DCAF1: variants seen among roughly 807,000 people sequenced by gnomAD.
DCAF1 encodes DDB1 and CUL4 associated factor 1.
DCAF1 carries 15 observed loss-of-function variants against 128.0 expected under a neutral mutation model. That is an observed-to-expected ratio of 0.12 (90% confidence interval 0.08 to 0.18). The LOEUF (loss-of-function observed/expected upper bound fraction) is 0.18. Ranked by LOEUF, DCAF1 falls within the 10% of genes least tolerant of loss-of-function variation. DCAF1 has a pLI of 1.00. For missense variants in DCAF1, 988 were observed against 1,649.5 expected, an observed-to-expected ratio of 0.60 and a Z score of 6.95; for synonymous variants, 610 against 603.0, an observed-to-expected ratio of 1.01 and a Z score of -0.17.
At chr3:51,500,382 G>A (rs560099122), upstream of DCAF1, among the ~76,000 whole-genome samples, 9 of 152,226 alleles carry the variant, frequency 5.9e-5, no homozygotes, top group South Asian at 1.9e-3. Context: ...TACTTTTTCA[G>A]TGTCTTGTTC....
At chr3:51,433,662 C>T (rs1361208566) in intron 9 of DCAF1, among the ~76,000 whole-genome samples, 1 of 151,450 alleles carries the variant, frequency 6.6e-6, no homozygotes, top group East Asian at 2.0e-4. Flanking sequence ...GGGGTTTCAC[C>T]ATGTTGGCCA....
At chr3:51,423,057 G>A (rs188943213) in intron 13 of DCAF1, among the ~76,000 whole-genome samples, 11 of 151,322 alleles carry the variant, frequency 7.3e-5, no homozygotes, top group Admixed American at 2.0e-4. Flanking sequence ...AACAGAGTGA[G>A]AGCCTGTCTC....
rs984828916 is a variant in DCAF1, at chr3:51,470,566, C to T, written c.187+363G>A. Reference sequence around the variant, plus strand: ...GGGCAACAGAGTGAGTACCCATCTCCAAAAAAGAAAAAGTCTGAAAGGAAG... The same window carrying T: ...GGGCAACAGAGTGAGTACCCATCTCTAAAAAAGAAAAAGTCTGAAAGGAAG... On this transcript the variant is annotated intron_variant, in intron 4 of 24. Transcript: ENST00000684031. Among the ~76,000 whole-genome samples, 2 of 151,716 alleles carry T rather than the reference C, an allele frequency of 1.3e-5. 1 individual carries two copies. Among genetic ancestry groups the T allele is most frequent in the South Asian group, 4.2e-4 (2 of 4,808 alleles).
chr3:51,417,976 T>C, intron 17 of DCAF1, 140 bp downstream of exon 17: 3 of 1,053,940 alleles, frequency 2.8e-6, no homozygotes, highest in Non-Finnish European at 4.1e-6. Context: ...TAAACATGAG[T>C]CTTAGATGAG....
the DCAF1 span, among the ~76,000 whole-genome samples, chr3:51,505,585 G>T: frequency 6.6e-6 from 1 of 152,202 alleles, no homozygotes; most frequent in Non-Finnish European, 1.5e-5. Context: ...GTCTCATGAT[G>T]TTCCTGAGGG....
chr3:51,403,533 T>G (rs1436806349), intron 23 of DCAF1, 138 bp from the exon 24 acceptor site: 5 of 1,420,616 alleles, frequency 3.5e-6, no homozygotes, highest in African/African-American at 1.4e-5. Context: ...ACAGACTTCA[T>G]GAGCCAGCCA....
Position 51,413,404 on chromosome 3 carries a change from GAGGAAACACTATT to G in DCAF1, c.3932-31_3932-19del. 6.2e-7 allele frequency: 1 copy of G among 1,605,704 alleles called. No individual in the cohort carries two copies. The highest frequency in any genetic ancestry group is 1.1e-5 in the South Asian group (1 of 89,744). The stretch of plus-strand genomic sequence containing the variant: ...CAACATAGCTTGAGGGGGAGTGGGG[GAGGAAACACTATT>G]AGGAATCACAAACATCCCCTCTTCA... On this transcript the variant is annotated intron_variant, in intron 20 of 24. Transcript: ENST00000684031.
intron 6 of DCAF1, among the ~76,000 whole-genome samples, chr3:51,461,466 A>C (rs2108030525): frequency 6.6e-6 from 1 of 152,276 alleles, no homozygotes; most frequent in East Asian, 1.9e-4. Context: ...TGTTGGTGGG[A>C]CTGTAAACTA....
intron 11 of DCAF1, among the ~76,000 whole-genome samples, chr3:51,429,739 A>T (rs886786031): frequency 7.9e-5 from 12 of 152,200 alleles, no homozygotes; most frequent in Non-Finnish European, 8.8e-5. Flanking sequence ...TAATCATATT[A>T]AAAAATGTAC....
rs1553632329 is a variant in DCAF1, at chr3:51,420,917, T to C, written c.2053A>G (p.Ile685Val). ...AEIQKSALQI[I>V]INCVCGPDNR... ...TCTGGGCCACACACACAATTGATGA[T>C]AATCTGAAGTGCTGACTTCTGAATT... The change falls in exon 15 of 25, where the codon ATC (isoleucine) becomes GTC (valine). Residue 685 changes from isoleucine (I) to valine (V), a missense_variant. This residue lies in a region of DCAF1 where 185 missense variants were observed against 248.1 expected (regional missense o/e 0.75). Transcript: ENST00000684031. The surrounding 1 kb of genome is among the most constrained non-coding windows in gnomAD (Gnocchi z 6.5). 1 of 1,613,996 alleles carries C rather than the reference T, an allele frequency of 6.2e-7. No homozygotes were observed. Among genetic ancestry groups the C allele is most frequent in the African/African-American group, 1.3e-5 (1 of 75,052 alleles).
chr3:51,443,942 G>C, intron 6 of DCAF1, 39 bp from the exon 7 acceptor site: 2 of 1,533,496 alleles, frequency 1.3e-6, no homozygotes, highest in African/African-American at 1.4e-5. Context: ...TTCGGAAAAA[G>C]CCCAAGTTCA....
At chr3:51,397,672 C>T (rs782013499), downstream of DCAF1, 50 of 166,766 alleles carry the variant, frequency 3.0e-4, no homozygotes, top group Non-Finnish European at 2.5e-4. Flanking sequence ...GAGAGCTACA[C>T]GGCAGGGGCA....
chr3:51,459,273 A>T (rs1232300704), intron 6 of DCAF1, among the ~76,000 whole-genome samples: 1 of 152,216 alleles, frequency 6.6e-6, no homozygotes, highest in Non-Finnish European at 1.5e-5. Context: ...AGAATACTAT[A>T]AACACCTCTA....
At chr3:51,498,728 C>T (rs1708514359) in intron 1 of DCAF1, among the ~76,000 whole-genome samples, 1 of 152,124 alleles carries the variant, frequency 6.6e-6, no homozygotes, top group Admixed American at 6.6e-5. Flanking sequence ...AATATATACC[C>T]ACTCAAAAAT....
intron 6 of DCAF1, among the ~76,000 whole-genome samples, chr3:51,446,063 G>T (rs528895435): frequency 6.9e-6 from 1 of 143,962 alleles, no homozygotes; most frequent in East Asian, 2.1e-4. Flanking sequence ...GCGCAATCTC[G>T]ACTCAGTGCA....
chr3:51,423,500 T>A, intron 13 of DCAF1, among the ~76,000 whole-genome samples: 1 of 139,702 alleles, frequency 7.2e-6, no homozygotes. Flanking sequence ...AGACTCTGTC[T>A]CCACAAAAAA....
chr3:51,457,280 T>G (rs370785074), intron 6 of DCAF1, among the ~76,000 whole-genome samples: 2 of 152,162 alleles, frequency 1.3e-5, no homozygotes, highest in South Asian at 2.1e-4. Flanking sequence ...GAAGCCTCAG[T>G]AGCCGATGTG....
intron 23 of DCAF1, among the ~76,000 whole-genome samples, chr3:51,404,807 T>C (rs1330902562): frequency 1.3e-5 from 2 of 152,192 alleles, no homozygotes; most frequent in African/African-American, 4.8e-5. Flanking sequence ...TTCCAAAGCC[T>C]TGGCCACACA....
intron 3 of DCAF1, among the ~76,000 whole-genome samples, chr3:51,473,138 C>T (rs1412349123): frequency 1.3e-5 from 2 of 150,528 alleles, no homozygotes; most frequent in East Asian, 2.0e-4. Flanking sequence ...TAACCGGGCA[C>T]GGTGCCACAT....
Sources: gnomAD v4.1 joint callset for allele counts (sites outside exome capture counted in the v4.1 genomes callset) on GRCh38, gnomAD v4.1.1 for gene constraint, gnomAD v4.1.1 regional missense constraint, Gnocchi (gnomAD v3.1) non-coding constraint, MANE v1.5 for transcripts, NCBI Gene and HGNC (gene_info 2026-07-23, HGNC 2026-07-21) for gene names.